The following SLC14A2 variants were observed in gnomAD, a reference collection of about 807,000 sequenced individuals.
SLC14A2 encodes the protein solute carrier family 14 member 2.
SLC14A2 carries 91 observed loss-of-function variants against 104.6 expected under a neutral mutation model. The observed-to-expected ratio is 0.87, with a 90% CI of 0.73 to 1.04. The LOEUF (loss-of-function observed/expected upper bound fraction) is 1.04, where lower values mean the gene tolerates loss of function less well. Ranked by LOEUF, SLC14A2 falls within the 50% of genes least tolerant of loss-of-function variation. The probability of loss-of-function intolerance (pLI) is 0.00; values close to 1 mark genes in which losing one functional copy is unlikely to be tolerated. For synonymous variants in SLC14A2, 476 were observed against 466.4 expected (o/e 1.02, Z -0.27); for missense variants, 1,189 against 1,156.0 (o/e 1.03, Z -0.41).
chr18:45,169,622 T>A, the SLC14A2 span, among the ~76,000 whole-genome samples: 1 of 152,210 alleles, frequency 6.6e-6, no homozygotes, highest in African/African-American at 2.4e-5. Context: ...TGAGATATGA[T>A]GATATTCTGC....
At chr18:45,513,766 C>T (rs553380544) in intron 2 of SLC14A2, among the ~76,000 whole-genome samples, 114 of 152,254 alleles carry the variant, frequency 7.5e-4, no homozygotes, top group Non-Finnish European at 1.5e-3. Flanking sequence ...TCTGGGGTGA[C>T]CTGAGGATAT....
chr18:45,212,001 A>T (rs1318687931), upstream of SLC14A2, among the ~76,000 whole-genome samples: 1 of 152,194 alleles, frequency 6.6e-6, no homozygotes, highest in Non-Finnish European at 1.5e-5. Flanking sequence ...ATCTACTTTA[A>T]AATTAGTTAA....
intron 2 of SLC14A2, among the ~76,000 whole-genome samples, chr18:45,585,361 A>G (rs1245908075): frequency 6.6e-6 from 1 of 152,186 alleles, no homozygotes; most frequent in Non-Finnish European, 1.5e-5. Context: ...CCTCTCTAGA[A>G]TATAATCTCC....
intron 2 of SLC14A2, among the ~76,000 whole-genome samples, chr18:45,538,980 C>T (rs577260833): frequency 6.6e-5 from 10 of 150,382 alleles, no homozygotes; most frequent in Admixed American, 2.0e-4. Flanking sequence ...TGATCACATA[C>T]TATATGGCAG....
chr18:45,582,606 T>G (rs775131055), intron 2 of SLC14A2, among the ~76,000 whole-genome samples: 4 of 152,100 alleles, frequency 2.6e-5, no homozygotes, highest in Non-Finnish European at 5.9e-5. Context: ...TAGTCCAACG[T>G]GCTGATTTTA....
chr18:45,278,468 C>T (rs1249394272), intron 1 of SLC14A2, among the ~76,000 whole-genome samples: 2 of 152,148 alleles, frequency 1.3e-5, no homozygotes, highest in African/African-American at 4.8e-5. Flanking sequence ...GCATCAGATG[C>T]AGTAATTCTC....
intron 1 of SLC14A2, among the ~76,000 whole-genome samples, chr18:45,306,585 T>G (rs2085023890): frequency 6.6e-6 from 1 of 152,236 alleles, no homozygotes; most frequent in Admixed American, 6.5e-5. Context: ...ATTCCTCATT[T>G]GATCTTTTCC....
Position 45,254,171 on chromosome 18 carries a change from C to T in SLC14A2, c.-125+40980C>T, listed in dbSNP as rs138180608. Among the ~76,000 whole-genome samples, 790 of 152,346 alleles carry T rather than the reference C, an allele frequency of 5.2e-3. 5 individuals are homozygous for T. The highest frequency in any genetic ancestry group is 8.1e-3 in the Non-Finnish European group (552 of 68,032). On this transcript the variant is annotated intron_variant, in intron 1 of 20. Transcript: ENST00000586448. ...CAACCAGCTCCTCTCATTCAGTCGA[C>T]ACTCTTGCCAGCTGGCCATGTGCCT...
intron 2 of SLC14A2, among the ~76,000 whole-genome samples, chr18:45,602,690 G>C (rs915815030): frequency 8.5e-5 from 13 of 152,260 alleles, no homozygotes; most frequent in African/African-American, 2.2e-4. Context: ...TTTCACTCAG[G>C]CTCTTTCAAA....
At chr18:45,235,796 CGTGTGT>C (rs1171773725) in intron 1 of SLC14A2, among the ~76,000 whole-genome samples, 1 of 114,282 alleles carries the variant, frequency 8.8e-6, no homozygotes, top group African/African-American at 3.8e-5. Context: ...TGTGTATGCG[CGTGTGT>C]GTGTGTGTGT....
chr18:45,236,071 A>G (rs369205076), intron 1 of SLC14A2, among the ~76,000 whole-genome samples: 2 of 47,914 alleles, frequency 4.2e-5, no homozygotes, highest in African/African-American at 2.7e-4. Flanking sequence ...ATATGTGTGT[A>G]TATATGTGTA....
chr18:45,313,944 G>T (rs1402876242), intron 1 of SLC14A2, among the ~76,000 whole-genome samples: 1 of 152,194 alleles, frequency 6.6e-6, no homozygotes, highest in Non-Finnish European at 1.5e-5. Flanking sequence ...CTTCAGAAAG[G>T]CCTGGGTTCC....
At chr18:45,305,525 C>T (rs2085010834) in intron 1 of SLC14A2, among the ~76,000 whole-genome samples, 2 of 152,098 alleles carry the variant, frequency 1.3e-5, no homozygotes, top group Non-Finnish European at 2.9e-5. Flanking sequence ...ATCTCTGACA[C>T]TTCTCTTCTC....
chr18:45,536,284 G>T (rs1389196493), intron 2 of SLC14A2, among the ~76,000 whole-genome samples: 4 of 152,158 alleles, frequency 2.6e-5, no homozygotes, highest in African/African-American at 9.7e-5. Flanking sequence ...CCAGTACCTG[G>T]GTACTCTGAC....
At chr18:45,470,993 T>C (rs1336574433) in intron 1 of SLC14A2, among the ~76,000 whole-genome samples, 1 of 152,096 alleles carries the variant, frequency 6.6e-6, no homozygotes, top group African/African-American at 2.4e-5. Flanking sequence ...AGTTTGTGTG[T>C]GTGTGTGTGT....
At chr18:45,213,993 C>T (rs565784419) in intron 1 of SLC14A2, among the ~76,000 whole-genome samples, 1 of 152,262 alleles carries the variant, frequency 6.6e-6, no homozygotes, top group East Asian at 1.9e-4. Flanking sequence ...TCTGCCTAAG[C>T]ATTCCCCACC....
chr18:45,588,978 G>T (rs897024866), intron 2 of SLC14A2, among the ~76,000 whole-genome samples: 7 of 151,766 alleles, frequency 4.6e-5, no homozygotes, highest in Non-Finnish European at 5.9e-5. Context: ...GGTGGGTGGG[G>T]GGGGGTGTTA....
intron 16 of SLC14A2, among the ~76,000 whole-genome samples, chr18:45,672,660 C>T (rs573503256): frequency 1.6e-4 from 25 of 152,178 alleles, no homozygotes; most frequent in East Asian, 5.8e-4. Context: ...AAATGCCTCA[C>T]GCTCATATTT....
At chr18:45,614,810 T>C (rs1405533187), upstream of SLC14A2, 1 of 149,778 alleles carries the variant, frequency 6.7e-6, no homozygotes, top group African/African-American at 2.5e-5. Context: ...TTTTTTTTTT[T>C]TTTTTTGAGA....
Sources: gnomAD v4.1 joint callset for allele counts (sites outside exome capture counted in the v4.1 genomes callset) on GRCh38, gnomAD v4.1.1 for gene constraint, MANE v1.5 for transcripts, NCBI Gene and HGNC (gene_info 2026-07-23, HGNC 2026-07-21) for gene names.